The following TMEM131 variants were observed in gnomAD, a reference collection of about 807,000 sequenced individuals.
TMEM131 encodes the protein transmembrane protein 131.
Under a neutral mutation model 211.6 loss-of-function variants are expected in TMEM131, and 66 were observed. That is an observed-to-expected ratio of 0.31 (90% CI 0.26 to 0.38). TMEM131 has a LOEUF of 0.38. Ranked by LOEUF, TMEM131 falls within the 10% of genes least tolerant of loss-of-function variation. The probability of loss-of-function intolerance (pLI) is 1.00; values close to 1 mark genes in which losing one functional copy is unlikely to be tolerated. For synonymous variants in TMEM131, 844 were observed against 841.3 expected (o/e 1.00, Z -0.06); for missense variants, 2,036 against 2,299.3 (o/e 0.89, Z 2.34).
intron 11 of TMEM131, among the ~76,000 whole-genome samples, chr2:97,828,431 T>C (rs757157378): frequency 3.9e-5 from 6 of 152,128 alleles, no homozygotes; most frequent in South Asian, 2.1e-4. Context: ...AAAGCTCAAG[T>C]GTCTCAGCAC....
chr2:97,818,292 G>A (rs1222159266), intron 12 of TMEM131, among the ~76,000 whole-genome samples: 1 of 151,962 alleles, frequency 6.6e-6, no homozygotes, highest in African/African-American at 2.4e-5. Flanking sequence ...TCATAATTAA[G>A]ATGAATTATA....
chr2:97,934,911 A>T (rs1677378545), intron 1 of TMEM131, among the ~76,000 whole-genome samples: 1 of 152,142 alleles, frequency 6.6e-6, no homozygotes, highest in Non-Finnish European at 1.5e-5. Context: ...AAAACTATAA[A>T]ACTTTTTAAA....
chr2:97,923,807 G>T (rs1676856566), intron 2 of TMEM131, among the ~76,000 whole-genome samples: 1 of 152,040 alleles, frequency 6.6e-6, no homozygotes, highest in South Asian at 2.1e-4. Context: ...AGTTAGATTA[G>T]GCCGGGCGCA....
intron 26 of TMEM131, 23 bp downstream of exon 26, chr2:97,797,342 C>A: frequency 1.3e-6 from 2 of 1,556,386 alleles, no homozygotes; most frequent in South Asian, 2.5e-5. Context: ...AAAATGAACC[C>A]ACACCTATAT....
At chr2:97,789,299 G>C (rs1680392538) in intron 31 of TMEM131, among the ~76,000 whole-genome samples, 1 of 152,216 alleles carries the variant, frequency 6.6e-6, no homozygotes, top group Admixed American at 6.5e-5. Context: ...CTTGCCCTCA[G>C]GATTCTCTGC....
intron 3 of TMEM131, among the ~76,000 whole-genome samples, chr2:97,900,375 C>T (rs1428945552): frequency 6.6e-6 from 1 of 152,008 alleles, no homozygotes. Flanking sequence ...AACCACCATT[C>T]TACTCTCTGC....
rs539621945 is a variant in TMEM131, at chr2:97,842,918, G to A, written c.601-981C>T. Among the ~76,000 whole-genome samples the A allele has an allele frequency of 9.9e-5, 15 of 152,208 alleles. 1 individual carries two copies. The South Asian group carries it at 2.5e-3, about 25-fold the overall frequency. ...AATTACTGAACCAACCATCAACAGC[G>A]TACTGAATGCCTACTAAGCAACCGC... On this transcript the variant is annotated intron_variant, in intron 6 of 40. Coordinates refer to ENST00000186436, the MANE Select transcript of TMEM131 (RefSeq NM_015348.2).
At chr2:97,927,551 T>A in intron 1 of TMEM131, 64 bp from the exon 2 acceptor site, 10 of 1,330,218 alleles carry the variant, frequency 7.5e-6, no homozygotes, top group Non-Finnish European at 1.0e-5. Flanking sequence ...ATAACATCTT[T>A]GACTTTAAAG....
intron 40 of TMEM131, 54 bp from the exon 41 acceptor site, chr2:97,757,437 T>A: frequency 6.6e-7 from 1 of 1,525,874 alleles, no homozygotes. Context: ...GAGGGTCAAG[T>A]GGGTAAGGGG....
Position 97,766,231 on chromosome 2 carries a change from C to G in TMEM131, c.4606G>C (p.Ala1536Pro). 6.2e-7 allele frequency: 1 copy of G among 1,614,056 alleles called. No individual in the cohort carries two copies. The highest frequency in any genetic ancestry group is 1.3e-5 in the African/African-American group (1 of 75,066). The change falls in exon 35 of 41, where the codon GCC becomes CCC. Residue 1536 changes from alanine to proline, a missense_variant. Around this residue, in one of 3 missense-constraint regions of TMEM131, gnomAD observed 1,623 missense variants for 1,805.9 expected, o/e 0.90. Transcript: ENST00000186436. ...CTATTCGGGAGGAATTTTGCTAGGG[C>G]AGGTGGTCTGTTATCCACTAACTTA... ...TSKLVDNRPP[A>P]LAKFLPNSQE... is the part of the protein sequence containing the mutation.
At chr2:97,975,947 A>G (rs2104620464) in intron 1 of TMEM131, among the ~76,000 whole-genome samples, 1 of 152,304 alleles carries the variant, frequency 6.6e-6, no homozygotes, top group East Asian at 1.9e-4. Flanking sequence ...ATGCAAGGTT[A>G]GTCATTCATC....
At chr2:97,994,184 C>T (rs1680385810) in intron 1 of TMEM131, among the ~76,000 whole-genome samples, 1 of 152,206 alleles carries the variant, frequency 6.6e-6, no homozygotes. Context: ...TAAGAAAGAA[C>T]ACTCAACTAA....
intron 1 of TMEM131, among the ~76,000 whole-genome samples, chr2:97,961,858 T>C (rs1003501016): frequency 6.6e-6 from 1 of 152,170 alleles, no homozygotes; most frequent in African/African-American, 2.4e-5. Flanking sequence ...TTACGGGAAA[T>C]TGTAGGTCAA....
intron 2 of TMEM131, among the ~76,000 whole-genome samples, chr2:97,918,758 C>A (rs897939754): frequency 1.3e-5 from 2 of 152,196 alleles, no homozygotes; most frequent in African/African-American, 2.4e-5. Context: ...TGGAAGAAAA[C>A]TGAACACAGA....
Position 97,802,696 on chromosome 2 carries a change from G to A in TMEM131, c.2497C>T (p.Pro833Ser), listed in dbSNP as rs1681091875. The change falls in exon 23 of 41, where the codon CCC (proline) becomes TCC (serine). Residue 833 changes from proline to serine, a missense_variant. Transcript: ENST00000186436. ...ELSWPSILSSPRHLKFPLTNT... is the reference protein window; with the variant it reads ...ELSWPSILSSSRHLKFPLTNT... ...GTAAGTGGAAATTTCAAGTGCCGGG[G>A]TGAGCTAAGTATGGAAGGCCAGGAG... is the stretch of plus-strand genomic sequence containing the variant. 1.2e-6 allele frequency: 2 copies of A among 1,610,216 alleles called. No homozygotes were observed. Among genetic ancestry groups the A allele is most frequent in the Non-Finnish European group, 1.7e-6 (2 of 1,178,248 alleles).
In TMEM131 at chr2:97,908,977, C is replaced by T. The variant is rs574252228; in HGVS notation, c.250-279G>A. ...ACAATCACTTTGTGAGGCTGCTGTG[C>T]CTCGGACTGTTCCCTGCTCACTAAC... is the stretch of plus-strand genomic sequence containing the variant. On this transcript the variant is annotated intron_variant, in intron 2 of 40. Transcript: ENST00000186436. Among the ~76,000 whole-genome samples the T allele has an allele frequency of 5.3e-5, 8 of 152,236 alleles. No individual in the cohort carries two copies. In the East Asian group the frequency reaches 1.5e-3, roughly 29 times the overall value.
chr2:97,951,304 T>A (rs73960435), intron 1 of TMEM131, among the ~76,000 whole-genome samples: 10,945 of 152,260 alleles, frequency 0.072, 468 homozygotes, highest in Middle Eastern at 0.12. Context: ...TCTGCTTCAT[T>A]CTTCTAGCTC....
intron 5 of TMEM131, 96 bp downstream of exon 5, chr2:97,859,208 A>C: frequency 1.5e-6 from 2 of 1,315,168 alleles, no homozygotes; most frequent in Non-Finnish European, 2.1e-6. Context: ...TGAAATATTC[A>C]AACCCAATTC....
intron 6 of TMEM131, among the ~76,000 whole-genome samples, chr2:97,843,615 C>T (rs967374063): frequency 2.0e-5 from 3 of 152,186 alleles, no homozygotes; most frequent in Non-Finnish European, 2.9e-5. Flanking sequence ...GCTGGGATTA[C>T]AGGTGTGAGC....
Sources: allele counts gnomAD v4.1 joint callset (sites outside exome capture counted in the v4.1 genomes callset), GRCh38; gene constraint gnomAD v4.1.1; regional missense constraint gnomAD v4.1.1; transcripts MANE v1.5; gene names NCBI Gene and HGNC (gene_info 2026-07-23, HGNC 2026-07-21).